The following PLOD2 variants were observed in gnomAD, a reference collection of about 807,000 sequenced individuals.
PLOD2 encodes the protein procollagen-lysine,2-oxoglutarate 5-dioxygenase 2, also known as lysine hydroxylase 2.
In PLOD2, 65 loss-of-function variants were observed where a neutral mutation model predicts 101.0. The ratio of observed to expected loss-of-function variants is 0.64; its 90% CI spans 0.53 to 0.79. PLOD2 has a LOEUF of 0.79. Among genes scored for constraint, PLOD2 ranks in the 30% least tolerant of loss-of-function variants. PLOD2 has a pLI of 0.00. For synonymous variants in PLOD2, 314 were observed against 302.9 expected, an observed-to-expected ratio of 1.04 and a Z score of -0.38; for missense variants, 909 against 914.6, an observed-to-expected ratio of 0.99 and a Z score of 0.08.
chr3:146,088,183 T>C (rs951675806), intron 9 of PLOD2, among the ~76,000 whole-genome samples: 5 of 151,706 alleles, frequency 3.3e-5, no homozygotes, highest in African/African-American at 9.7e-5. Context: ...AACAGTACTC[T>C]ATCTGGAAAC....
intron 1 of PLOD2, among the ~76,000 whole-genome samples, chr3:146,157,987 T>C (rs910886641): frequency 2.0e-5 from 3 of 152,222 alleles, no homozygotes; most frequent in Non-Finnish European, 4.4e-5. Flanking sequence ...ACAAAAATAC[T>C]GGTCTTGACA....
Position 146,095,034 on chromosome 3 carries a change from C to G in PLOD2, c.778-3133G>C, listed in dbSNP as rs556707139. Reference sequence around the variant, plus strand: ...GCTAGCCATATGCAGAAAACAGAAACTGGACCTCTTCCTCACACCTTATAA... The same window carrying G: ...GCTAGCCATATGCAGAAAACAGAAAGTGGACCTCTTCCTCACACCTTATAA... On this transcript the variant is annotated intron_variant, in intron 7 of 19. Transcript: ENST00000282903. Among the ~76,000 whole-genome samples, 449 of 152,214 alleles carry G rather than the reference C, an allele frequency of 2.9e-3. 3 individuals carry two copies. The highest frequency in any genetic ancestry group is 4.9e-3 in the Non-Finnish European group (333 of 68,022).
In PLOD2 at chr3:146,072,547, A is replaced by C; in HGVS notation, c.1848+14T>G. 6.6e-7 allele frequency: 1 copy of C among 1,518,666 alleles called. No homozygotes were observed. Among genetic ancestry groups the C allele is most frequent in the East Asian group, 2.3e-5 (1 of 44,312 alleles). The allele number at this position is 1,518,666 out of a possible 1,614,324, so 94.1% of individuals were successfully genotyped here. ...CACATACATTTTAGTTCTTAGTGTG[A>C]AATTACAACTTACATGATGTTTTCC... On this transcript the variant is annotated intron_variant, in intron 17 of 19. Coordinates refer to ENST00000282903, the MANE Select transcript of PLOD2 (RefSeq NM_182943.3).
At chr3:146,101,488 AATCAATGAATTG>A (rs1937388630) in intron 7 of PLOD2, among the ~76,000 whole-genome samples, 2 of 152,228 alleles carry the variant, frequency 1.3e-5, no homozygotes, top group South Asian at 4.1e-4. Context: ...GACCAAACGA[AATCAATGAATTG>A]TCAGATGCTG....
In PLOD2 at chr3:146,106,577, A is replaced by G; in HGVS notation, c.570T>C (p.Asp190=). ...VQQWNLQDND[D]DQLFYTKVYI... ...AAACTTTAGTGTAAAAGAGCTGATCATCATCATTATCCTGGAGATTCCATT... is the reference window on the plus strand; with the variant it reads ...AAACTTTAGTGTAAAAGAGCTGATCGTCATCATTATCCTGGAGATTCCATT... The change falls in exon 5 of 20, where the codon GAT becomes GAC. Residue 190 remains aspartate (D), a synonymous_variant. Coordinates refer to ENST00000282903, the MANE Select transcript of PLOD2 (RefSeq NM_182943.3). 6.3e-7 allele frequency: 1 copy of G among 1,596,930 alleles called. No homozygotes were observed. Among genetic ancestry groups the G allele is most frequent in the Non-Finnish European group, 8.6e-7 (1 of 1,164,464 alleles).
At chr3:146,097,016 C>A (rs1245396937) in intron 7 of PLOD2, among the ~76,000 whole-genome samples, 27 of 146,040 alleles carry the variant, frequency 1.8e-4, no homozygotes, top group Non-Finnish European at 3.3e-4. Context: ...GTCAGCCCCC[C>A]GCCCGGCCAG....
intron 1 of PLOD2, among the ~76,000 whole-genome samples, chr3:146,150,604 C>A (rs1015679395): frequency 6.6e-6 from 1 of 152,002 alleles, no homozygotes; most frequent in Non-Finnish European, 1.5e-5. Flanking sequence ...GACAGAGGAG[C>A]AAAGAAGATA....
At chr3:146,091,743 A>G in intron 8 of PLOD2, 57 bp downstream of exon 8, 1 of 977,690 alleles carries the variant, frequency 1.0e-6, no homozygotes, top group Non-Finnish European at 1.7e-6. Flanking sequence ...AAATCACAGT[A>G]TTTCATGACA....
At chr3:146,091,284 A>C (rs1559842778) in intron 8 of PLOD2, among the ~76,000 whole-genome samples, 1 of 151,864 alleles carries the variant, frequency 6.6e-6, no homozygotes, top group Non-Finnish European at 1.5e-5. Flanking sequence ...CGTTACTTAC[A>C]TTTATGCACC....
intron 7 of PLOD2, among the ~76,000 whole-genome samples, chr3:146,094,840 C>A (rs541839244): frequency 6.6e-6 from 1 of 152,220 alleles, no homozygotes; most frequent in African/African-American, 2.4e-5. Context: ...GCTAGAGTAA[C>A]CAAAACAGCA....
intron 17 of PLOD2, among the ~76,000 whole-genome samples, chr3:146,071,734 G>A (rs1485021795): frequency 5.9e-5 from 9 of 151,634 alleles, no homozygotes; most frequent in Non-Finnish European, 1.3e-4. Flanking sequence ...TCTTAAAAAT[G>A]AGTCTTTTTT....
intron 6 of PLOD2, 108 bp downstream of exon 6, chr3:146,104,171 A>G (rs1257049078): frequency 1.3e-6 from 1 of 765,348 alleles, no homozygotes; most frequent in Non-Finnish European, 2.4e-6. Context: ...CAATATTTAC[A>G]CTGTCGACCT....
chr3:146,112,861 A>AAAAAAAAAAAT (rs1937710023), intron 3 of PLOD2, among the ~76,000 whole-genome samples: 1 of 148,338 alleles, frequency 6.7e-6, no homozygotes, highest in Admixed American at 6.8e-5. Context: ...AAAAAAAAAA[A>AAAAAAAAAAAT]AAACAAAACT....
At chr3:146,132,013 T>C (rs916337448) in intron 1 of PLOD2, among the ~76,000 whole-genome samples, 11 of 152,084 alleles carry the variant, frequency 7.2e-5, no homozygotes, top group Admixed American at 2.0e-4. Flanking sequence ...GGCAATGGTA[T>C]GCTTAAAGAA....
intron 1 of PLOD2, among the ~76,000 whole-genome samples, chr3:146,139,530 A>G (rs2031418105): frequency 6.6e-6 from 1 of 152,188 alleles, no homozygotes; most frequent in South Asian, 2.1e-4. Context: ...ACTATCAAAC[A>G]ACCTAAATGT....
rs971947127 is a variant in PLOD2 at position 146,070,057 on chromosome 3, T to C, written c.*660A>G. On this transcript the variant is annotated 3_prime_UTR_variant, in exon 20 of 20. Transcript: ENST00000282903. ...TTGGAAGATTCATCTGAAAGAAACA[T>C]AGGGTTTGATTTTTAATACTAATAT... is the stretch of plus-strand genomic sequence containing the variant. 6.6e-6 allele frequency: 1 copy of C among 151,906 alleles called. No homozygotes were observed. The highest frequency in any genetic ancestry group is 2.4e-5 in the African/African-American group (1 of 41,424). The allele number at this position is 151,906 out of a possible 1,614,324, so 9.4% of individuals were successfully genotyped here.
chr3:146,071,616 G>A (rs533273765), intron 17 of PLOD2, among the ~76,000 whole-genome samples, 193 bp from the exon 18 acceptor site: 31 of 151,758 alleles, frequency 2.0e-4, no homozygotes, highest in African/African-American at 7.2e-4. Context: ...ATACAATGAC[G>A]AAACAAAGTA....
Position 146,123,941 on chromosome 3 carries a change from A to G in PLOD2, c.201+197T>C, listed in dbSNP as rs185300274. Among the ~76,000 whole-genome samples the G allele has an allele frequency of 4.1e-3, 625 of 152,162 alleles. 1 individual carries two copies. The highest frequency in any genetic ancestry group is 0.014 in the African/African-American group (602 of 41,556). On this transcript the variant is annotated intron_variant, in intron 2 of 19. Coordinates refer to ENST00000282903, the MANE Select transcript of PLOD2 (RefSeq NM_182943.3). ...ATGATCAAATCAGAATACTTTGGCTATCCCCTCACCTCAAGCATTTACCAC... is the reference window on the plus strand; with the variant it reads ...ATGATCAAATCAGAATACTTTGGCTGTCCCCTCACCTCAAGCATTTACCAC...
At chr3:146,101,722 C>G (rs1164902332) in intron 7 of PLOD2, among the ~76,000 whole-genome samples, 3 of 152,070 alleles carry the variant, frequency 2.0e-5, no homozygotes, top group Non-Finnish European at 4.4e-5. Context: ...GGATGTTCTA[C>G]CTTGTGTTGG....
Sources: gnomAD v4.1 joint callset for allele counts (sites outside exome capture counted in the v4.1 genomes callset) on GRCh38, gnomAD v4.1.1 for gene constraint, MANE v1.5 for transcripts, NCBI Gene and HGNC (gene_info 2026-07-23, HGNC 2026-07-21) for gene names.